CDH8: variants seen among roughly 807,000 people sequenced by gnomAD.
CDH8 encodes cadherin-8.
Under a neutral mutation model 68.1 loss-of-function variants are expected in CDH8, and 17 were observed. That is an observed-to-expected ratio of 0.25 (90% confidence interval 0.17 to 0.37). The LOEUF is 0.37. Among genes scored for constraint, CDH8 ranks in the 10% least tolerant of loss-of-function variants. The pLI, the probability that CDH8 is intolerant of heterozygous loss-of-function variation, is 1.00. For synonymous variants in CDH8, 372 were observed against 365.1 expected (o/e 1.02, Z -0.21); for missense variants, 763 against 999.3 (o/e 0.76, Z 3.19).
chr16:61,895,534 C>T (rs1236614131), intron 3 of CDH8, among the ~76,000 whole-genome samples: 1 of 152,072 alleles, frequency 6.6e-6, no homozygotes, highest in Non-Finnish European at 1.5e-5. Context: ...TAGCCCTGAA[C>T]CTCAGAGAAA....
At chr16:62,007,957 A>G (rs1477723510) in intron 2 of CDH8, among the ~76,000 whole-genome samples, 1 of 151,288 alleles carries the variant, frequency 6.6e-6, no homozygotes, top group East Asian at 2.0e-4. Context: ...TATCTTTATT[A>G]TTATTATTTT....
chr16:61,680,309 T>C (rs1963988874), intron 10 of CDH8, among the ~76,000 whole-genome samples: 1 of 151,946 alleles, frequency 6.6e-6, no homozygotes. Flanking sequence ...TAAAGCCACA[T>C]TTGAAGATGA....
chr16:61,924,726 C>T (rs3784851), intron 2 of CDH8, among the ~76,000 whole-genome samples: 15,295 of 151,904 alleles, frequency 0.1, 1,037 homozygotes, highest in East Asian at 0.29. Flanking sequence ...TTCTTATCCA[C>T]GTAGTCATCT....
intron 2 of CDH8, among the ~76,000 whole-genome samples, chr16:61,995,711 G>A (rs75197064): frequency 3.3e-5 from 5 of 152,178 alleles, no homozygotes; most frequent in African/African-American, 9.6e-5. Context: ...TTCTTTACTC[G>A]GATGAATTAG....
intron 2 of CDH8, among the ~76,000 whole-genome samples, chr16:61,976,999 A>T (rs932668593): frequency 1.3e-5 from 2 of 152,178 alleles, no homozygotes; most frequent in African/African-American, 2.4e-5. Context: ...ACATGCAATC[A>T]ATGGGCTCCT....
At chr16:61,782,328 G>T (rs892829639) in intron 8 of CDH8, among the ~76,000 whole-genome samples, 1 of 152,122 alleles carries the variant, frequency 6.6e-6, no homozygotes, top group Non-Finnish European at 1.5e-5. Context: ...AAGGGGTGAC[G>T]GACGCACCTG....
At chr16:61,978,965 A>G (rs770231385) in intron 2 of CDH8, among the ~76,000 whole-genome samples, 6 of 123,360 alleles carry the variant, frequency 4.9e-5, no homozygotes, top group Non-Finnish European at 7.8e-5. Flanking sequence ...ATTTATTCAC[A>G]AAATGAGCCA....
At chr16:61,990,746 C>T (rs780526890) in intron 2 of CDH8, among the ~76,000 whole-genome samples, 1 of 151,946 alleles carries the variant, frequency 6.6e-6, no homozygotes, top group Non-Finnish European at 1.5e-5. Flanking sequence ...ATTGCTCAAG[C>T]CCAGGAGGAT....
At position 61,712,147 on chromosome 16, in the gene CDH8, CTAAATATTTA is replaced by C. The variant is rs1191685570; in HGVS notation, c.1654+1684_1654+1693del. ...GTGTGATGAAGCAGAATGAGGTATT[CTAAATATTTA>C]AACTTTTACCTTCTACTAATTCCAA... is the stretch of plus-strand genomic sequence containing the variant. On this transcript the variant is annotated intron_variant, in intron 10 of 11. Coordinates refer to ENST00000577390, the MANE Select transcript of CDH8 (RefSeq NM_001796.5). Among the ~76,000 whole-genome samples, 3 of 151,694 alleles carry C rather than the reference CTAAATATTTA, an allele frequency of 2.0e-5. No homozygotes were observed. In the South Asian group the frequency reaches 6.2e-4, roughly 31 times the overall value.
At chr16:61,775,037 A>C (rs1960869670) in intron 8 of CDH8, among the ~76,000 whole-genome samples, 1 of 152,142 alleles carries the variant, frequency 6.6e-6, no homozygotes, top group African/African-American at 2.4e-5. Context: ...GAAATTATAA[A>C]GAATCTATAG....
At chr16:61,686,144 T>C (rs1421398647) in intron 10 of CDH8, among the ~76,000 whole-genome samples, 1 of 152,050 alleles carries the variant, frequency 6.6e-6, no homozygotes, top group Admixed American at 6.6e-5. Context: ...TATTTCTATG[T>C]CAGTGAATCT....
intron 10 of CDH8, among the ~76,000 whole-genome samples, chr16:61,668,329 A>AT (rs1327942030): frequency 6.6e-6 from 1 of 151,776 alleles, no homozygotes; most frequent in African/African-American, 2.4e-5. Context: ...GTGTTTGATG[A>AT]TTTTTTTCTC....
At chr16:61,849,531 C>T (rs968844045) in intron 4 of CDH8, among the ~76,000 whole-genome samples, 2 of 152,106 alleles carry the variant, frequency 1.3e-5, no homozygotes, top group Non-Finnish European at 2.9e-5. Flanking sequence ...CTCCTGGCTT[C>T]CCACTTCATG....
At chr16:61,694,968 G>T (rs1421542977) in intron 10 of CDH8, among the ~76,000 whole-genome samples, 1 of 152,006 alleles carries the variant, frequency 6.6e-6, no homozygotes, top group African/African-American at 2.4e-5. Flanking sequence ...TTTTAGTAGA[G>T]ACAGGGTTTC....
At chr16:61,664,948 A>G (rs928302627) in intron 10 of CDH8, among the ~76,000 whole-genome samples, 2 of 152,152 alleles carry the variant, frequency 1.3e-5, no homozygotes, top group Non-Finnish European at 2.9e-5. Flanking sequence ...TTCACACAAC[A>G]TTAATATAAC....
intron 8 of CDH8, among the ~76,000 whole-genome samples, chr16:61,768,311 C>CCTTT (rs1163211754): frequency 6.1e-5 from 1 of 16,398 alleles, no homozygotes; most frequent in Non-Finnish European, 1.2e-4. Flanking sequence ...TGTGTCTCTC[C>CCTTT]CTTTCTCTCT....
intron 10 of CDH8, among the ~76,000 whole-genome samples, chr16:61,669,589 G>A (rs1233622702): frequency 1.3e-5 from 2 of 152,178 alleles, no homozygotes; most frequent in Admixed American, 1.3e-4. Flanking sequence ...TTCTTACCCA[G>A]AAGGAGAAAA....
At position 61,764,803 on chromosome 16, in the gene CDH8, T is replaced by C. The variant is rs537371582; in HGVS notation, c.1414+24543A>G. Among the ~76,000 whole-genome samples the C allele has an allele frequency of 7.6e-4, 115 of 152,194 alleles. 1 individual carries two copies. The highest frequency in any genetic ancestry group is 2.7e-3 in the African/African-American group (112 of 41,572). ...CATCATGTAAAAGTTTAAAAAATAA[T>C]TTCCATGTGATGTTGGAGAATTAAT... On this transcript the variant is annotated intron_variant, in intron 8 of 11. Coordinates refer to ENST00000577390, the MANE Select transcript of CDH8 (RefSeq NM_001796.5).
At chr16:61,795,670 T>C (rs1261550859) in intron 7 of CDH8, among the ~76,000 whole-genome samples, 1 of 151,926 alleles carries the variant, frequency 6.6e-6, no homozygotes, top group African/African-American at 2.4e-5. Context: ...CGAAAAGAAA[T>C]AAATAAGAAC....
Sources: gnomAD v4.1 joint callset for allele counts (sites outside exome capture counted in the v4.1 genomes callset) on GRCh38, gnomAD v4.1.1 for gene constraint, MANE v1.5 for transcripts, NCBI Gene and HGNC (gene_info 2026-07-23, HGNC 2026-07-21) for gene names.